Variants in PTPRS observed in about 807,000 individuals in gnomAD.
PTPRS encodes protein tyrosine phosphatase receptor type S.
In PTPRS, 63 loss-of-function variants were observed where a neutral mutation model predicts 215.3. The observed-to-expected ratio is 0.29, with a 90% CI of 0.24 to 0.36. The LOEUF (loss-of-function observed/expected upper bound fraction) is 0.36. PTPRS is among the 10% of genes least tolerant of loss of function. The pLI is 1.00. For synonymous variants in PTPRS, 1,404 were observed against 1,191.4 expected (o/e 1.18, Z -3.68); for missense variants, 2,258 against 2,825.8 (o/e 0.80, Z 4.56).
intron 19 of PTPRS, among the ~76,000 whole-genome samples, chr19:5,221,710 A>G (rs528658288): frequency 1.2e-4 from 19 of 152,128 alleles, no homozygotes; most frequent in African/African-American, 4.6e-4. Flanking sequence ...ACTTGGCACC[A>G]ACTCCAGACT....
At chr19:5,250,294 C>G (rs1436985831) in intron 9 of PTPRS, among the ~76,000 whole-genome samples, 1 of 152,202 alleles carries the variant, frequency 6.6e-6, no homozygotes, top group African/African-American at 2.4e-5. Flanking sequence ...CTCCCCCTCC[C>G]TGGCGGCCTT....
rs1227009344 is a variant in PTPRS, at chr19:5,338,684, G to T, written c.-95+1980C>A. Reference sequence around the variant, plus strand: ...GAGGGACAGAAGGCAGGCGCGATTGGCAGGGGGAGGGGGGCACAAAGGAAG... The same window carrying T: ...GAGGGACAGAAGGCAGGCGCGATTGTCAGGGGGAGGGGGGCACAAAGGAAG... On this transcript the variant is annotated intron_variant, in intron 1 of 37. Transcript: ENST00000262963. The surrounding 1 kb of genome is among the most constrained non-coding windows in gnomAD (Gnocchi z 4.2). Among the ~76,000 whole-genome samples, 2 of 151,960 alleles carry T rather than the reference G, an allele frequency of 1.3e-5. No homozygotes were observed. Among genetic ancestry groups the T allele is most frequent in the Non-Finnish European group, 2.9e-5 (2 of 67,960 alleles).
chr19:5,322,936 C>T (rs2050071419), intron 1 of PTPRS, among the ~76,000 whole-genome samples: 1 of 149,454 alleles, frequency 6.7e-6, no homozygotes, highest in African/African-American at 2.5e-5. Context: ...AAACAGACCT[C>T]ATGCATTTCA....
intron 9 of PTPRS, 63 bp from the exon 10 acceptor site, chr19:5,246,108 G>C: frequency 9.6e-7 from 1 of 1,038,398 alleles, no homozygotes. Context: ...GGTGAGGTTG[G>C]GAGGGGAAGA....
rs1313547507 is a variant in PTPRS, at chr19:5,225,831, G to C, written c.2390C>G (p.Thr797Arg). 1 of 1,613,936 alleles carries C rather than the reference G, an allele frequency of 6.2e-7. No homozygotes were observed. Among genetic ancestry groups the C allele is most frequent in the African/African-American group, 1.3e-5 (1 of 75,032 alleles). Residue 797 changes from threonine to arginine, a missense_variant, in exon 17 of 38, where the codon ACA (threonine) becomes AGA (arginine). By Grantham distance (71) the Thr-to-Arg change is moderately conservative. This residue lies in a region of PTPRS where 371 missense variants were observed against 446.7 expected (regional missense o/e 0.83). Coordinates refer to ENST00000262963, the MANE Select transcript of PTPRS (RefSeq NM_002850.4). ...DDTAEYEMVI[T>R]NLQPETAYSI... is the part of the protein sequence containing the mutation. ...GTACGCGGTCTCAGGCTGCAAGTTT[G>C]TGATGACCATCTCCTGCAGGCACGG...
At chr19:5,270,330 A>T in intron 4 of PTPRS, among the ~76,000 whole-genome samples, 2 of 112,222 alleles carry the variant, frequency 1.8e-5, no homozygotes, top group Non-Finnish European at 3.3e-5. Context: ...TTGCTCTGTC[A>T]CCCAGACTGG....
intron 4 of PTPRS, among the ~76,000 whole-genome samples, chr19:5,268,565 G>A (rs982421268): frequency 6.6e-6 from 1 of 152,026 alleles, no homozygotes; most frequent in Non-Finnish European, 1.5e-5. Flanking sequence ...CAGGATCCAG[G>A]GAGGGGAAGC....
At chr19:5,280,736 A>AT (rs567676621) in intron 2 of PTPRS, among the ~76,000 whole-genome samples, 22 of 151,806 alleles carry the variant, frequency 1.4e-4, no homozygotes, top group Non-Finnish European at 3.2e-4. Flanking sequence ...ACAAAACAAA[A>AT]CAAAAAAATC....
chr19:5,219,169 G>C, intron 23 of PTPRS, 141 bp downstream of exon 23: 1 of 1,149,230 alleles, frequency 8.7e-7, no homozygotes. Flanking sequence ...CCTTGATCAA[G>C]TGGCTTAACC....
rs1377303300 is a variant in PTPRS at position 5,220,093 on chromosome 19, A to C, written c.3611T>G (p.Val1204Gly). ...GCGAGCTGCAATATAGGGCCGGGGCACCTCCAGCTGACGCGAGTGCCGCAG... is the reference window on the plus strand; with the variant it reads ...GCGAGCTGCAATATAGGGCCGGGGCCCCTCCAGCTGACGCGAGTGCCGCAG... ...RSLRHSRQLE[V>G]PRPYIAARFS... Residue 1204 changes from valine to glycine, a missense_variant, in exon 22 of 38, where the codon GTG becomes GGG. By Grantham distance (109) the Val-to-Gly change is moderately radical (BLOSUM62 -3). Coordinates refer to ENST00000262963, the MANE Select transcript of PTPRS (RefSeq NM_002850.4). 8 of 1,613,524 alleles carry C rather than the reference A, an allele frequency of 5.0e-6. No individual in the cohort carries two copies. Among genetic ancestry groups the C allele is most frequent in the Non-Finnish European group, 6.8e-6 (8 of 1,179,946 alleles).
chr19:5,325,544 T>C (rs984545888), intron 1 of PTPRS, among the ~76,000 whole-genome samples: 1 of 152,178 alleles, frequency 6.6e-6, no homozygotes, highest in Non-Finnish European at 1.5e-5. Context: ...CCACGACGGT[T>C]TCACTCATTC....
chr19:5,261,733 G>A (rs965778958), intron 6 of PTPRS, among the ~76,000 whole-genome samples: 1 of 152,224 alleles, frequency 6.6e-6, no homozygotes, highest in African/African-American at 2.4e-5. Context: ...CCCATCATGA[G>A]GCAGGGGTGG....
chr19:5,241,544 A>G (rs958853515), intron 11 of PTPRS, among the ~76,000 whole-genome samples: 2 of 150,372 alleles, frequency 1.3e-5, no homozygotes, highest in Middle Eastern at 3.3e-3. Context: ...TCAGCCTCCC[A>G]AAGTGTCAGG....
intron 9 of PTPRS, among the ~76,000 whole-genome samples, chr19:5,248,120 G>C (rs1474792599): frequency 6.6e-6 from 1 of 151,720 alleles, no homozygotes; most frequent in Admixed American, 6.6e-5. Context: ...CAGCGGACGC[G>C]GTCCAGGCCA....
intron 17 of PTPRS, among the ~76,000 whole-genome samples, chr19:5,223,631 C>T (rs1366788508): frequency 6.7e-5 from 10 of 150,342 alleles, no homozygotes; most frequent in East Asian, 2.0e-4. Flanking sequence ...AGCCCCATCT[C>T]GGCTCACTAC....
intron 13 of PTPRS, among the ~76,000 whole-genome samples, chr19:5,238,376 C>G (rs1348488343): frequency 6.6e-6 from 1 of 152,148 alleles, no homozygotes; most frequent in Admixed American, 6.5e-5. Flanking sequence ...CGATTCCACC[C>G]CCTCCCCACC....
At chr19:5,222,267 A>G (rs775358552) in intron 18 of PTPRS, 47 bp from the exon 19 acceptor site, 1 of 1,495,940 alleles carries the variant, frequency 6.7e-7, no homozygotes, top group South Asian at 1.1e-5. Context: ...GAGAGGCCCC[A>G]TGAGTGCCTG....
chr19:5,217,494 ACTC>A (rs1599414482), intron 25 of PTPRS, among the ~76,000 whole-genome samples: 2 of 152,124 alleles, frequency 1.3e-5, no homozygotes, highest in East Asian at 3.9e-4. Flanking sequence ...TAATGGTCAA[ACTC>A]CTCATTTGGA....
In PTPRS at chr19:5,206,854, G is replaced by A; in HGVS notation, c.5779-12C>T. 2 of 1,613,756 alleles carry A rather than the reference G, an allele frequency of 1.2e-6. No individual in the cohort carries two copies. Among genetic ancestry groups the A allele is most frequent in the Admixed American group, 1.7e-5 (1 of 60,022 alleles). Reference sequence around the variant, plus strand: ...AACTGGTACTCATCCTGGGGGAGCAGAGGTGACCTGTTAGTACCTCCGCTG... The same window carrying A: ...AACTGGTACTCATCCTGGGGGAGCAAAGGTGACCTGTTAGTACCTCCGCTG... On this transcript the variant is annotated splice_polypyrimidine_tract_variant and intron_variant, in intron 37 of 37. Transcript: ENST00000262963.
Sources: allele counts gnomAD v4.1 joint callset (sites outside exome capture counted in the v4.1 genomes callset), GRCh38; gene constraint gnomAD v4.1.1; regional missense constraint gnomAD v4.1.1; non-coding constraint Gnocchi (gnomAD v3.1); transcripts MANE v1.5; gene names NCBI Gene and HGNC (gene_info 2026-07-23, HGNC 2026-07-21).